Variants in COL9A1 observed in about 807,000 individuals in gnomAD.
The protein encoded by COL9A1 is collagen type IX alpha 1 chain.
In COL9A1, 104 loss-of-function variants were observed where a neutral mutation model predicts 142.6. The observed-to-expected ratio is 0.73, with a 90% confidence interval of 0.62 to 0.86. The LOEUF (loss-of-function observed/expected upper bound fraction) is 0.86, where lower values mean the gene tolerates loss of function less well. Ranked by LOEUF, COL9A1 falls within the 40% of genes least tolerant of loss-of-function variation. The pLI, the probability that COL9A1 is intolerant of heterozygous loss-of-function variation, is 0.00. For synonymous variants in COL9A1, 466 were observed against 396.0 expected (o/e 1.18, Z -2.10); for missense variants, 1,210 against 1,176.6 (o/e 1.03, Z -0.42).
At chr6:70,253,928 T>C (rs1771108244) in intron 25 of COL9A1, among the ~76,000 whole-genome samples, 1 of 152,232 alleles carries the variant, frequency 6.6e-6, no homozygotes, top group Non-Finnish European at 1.5e-5. Flanking sequence ...ATTTAAAAGA[T>C]TGGGGGCCAG....
intron 6 of COL9A1, chr6:70,283,222 A>T: frequency 6.9e-7 from 1 of 1,459,596 alleles, no homozygotes; most frequent in Admixed American, 2.5e-5. Context: ...CCCCCTGTTT[A>T]TGAATGGCCC....
At chr6:70,241,882 G>T in intron 30 of COL9A1, 82 bp downstream of exon 30, 1 of 1,252,378 alleles carries the variant, frequency 8.0e-7, no homozygotes, top group Non-Finnish European at 1.1e-6. Context: ...TTCTCCACAG[G>T]GCCAAAAGCA....
At position 70,300,113 on chromosome 6, in the gene COL9A1, C is replaced by T. The variant is rs777861328; in HGVS notation, c.229G>A (p.Val77Ile). ...KAASRRAIQRVVGSATLQVAY... is the reference protein window; with the variant it reads ...KAASRRAIQRIVGSATLQVAY... ...ACCTGCAATGTAGCTGATCCCACTACTCTCTGGATAGCTCTTCTAGATGCT... is the reference window on the plus strand; with the variant it reads ...ACCTGCAATGTAGCTGATCCCACTATTCTCTGGATAGCTCTTCTAGATGCT... The change falls in exon 4 of 38, where the codon GTA (valine) becomes ATA (isoleucine). Residue 77 changes from valine (V) to isoleucine (I), a missense_variant. Physicochemically the swap from Val to Ile is conservative, Grantham distance 29. Coordinates refer to ENST00000357250, the MANE Select transcript of COL9A1 (RefSeq NM_001851.6). 1 of 1,613,772 alleles carries T rather than the reference C, an allele frequency of 6.2e-7. No homozygotes were observed. Among genetic ancestry groups the T allele is most frequent in the South Asian group, 1.1e-5 (1 of 91,068 alleles).
At position 70,289,042 on chromosome 6, in the gene COL9A1, A is replaced by G. The variant is rs113479534; in HGVS notation, c.696+5125T>C. Among the ~76,000 whole-genome samples, 90 of 152,250 alleles carry G rather than the reference A, an allele frequency of 5.9e-4. 1 individual carries two copies. Among genetic ancestry groups the G allele is most frequent in the African/African-American group, 2.1e-3 (86 of 41,552 alleles). Reference sequence around the variant, plus strand: ...AAGAAATATAGTGAAGAAAGAACTGATAGTATTTGCCTTTCTGGTTTGATC... The same window carrying G: ...AAGAAATATAGTGAAGAAAGAACTGGTAGTATTTGCCTTTCTGGTTTGATC... On this transcript the variant is annotated intron_variant, in intron 5 of 37. Transcript: ENST00000357250.
At chr6:70,301,707 C>T (rs1476305267) in intron 2 of COL9A1, among the ~76,000 whole-genome samples, 1 of 152,152 alleles carries the variant, frequency 6.6e-6, no homozygotes, top group Non-Finnish European at 1.5e-5. Context: ...TTCATTCATC[C>T]ATGTATTCAC....
chr6:70,292,844 T>C (rs1019044466), intron 5 of COL9A1, among the ~76,000 whole-genome samples: 17 of 152,270 alleles, frequency 1.1e-4, no homozygotes, highest in African/African-American at 3.8e-4. Flanking sequence ...AATTTCAAGA[T>C]GGCATAACAG....
Position 70,260,672 on chromosome 6 carries a change from C to G in COL9A1, c.1434G>C (p.Gly478=). 1.2e-6 allele frequency: 2 copies of G among 1,613,716 alleles called. No individual in the cohort carries two copies. The highest frequency in any genetic ancestry group is 1.7e-6 in the Non-Finnish European group (2 of 1,179,874). ...ACCATCTTACTTTTTCCCCTTTGTC[C>G]CCAACTATGCCGGTGATGCCTCGCA... ...QGLRGITGIV[G]DKGEKGARGL... is the part of the protein sequence containing the mutation. Residue 478 remains glycine (G), a synonymous_variant, in exon 20 of 38, where the codon GGG becomes GGC. Transcript: ENST00000357250.
At chr6:70,240,333 T>C (rs530773555) in intron 32 of COL9A1, among the ~76,000 whole-genome samples, 3 of 152,302 alleles carry the variant, frequency 2.0e-5, no homozygotes, top group African/African-American at 7.2e-5. Flanking sequence ...CTATTATTCA[T>C]AGACTTTCTA....
chr6:70,254,484 C>G lies in COL9A1; in HGVS notation c.1711G>C (p.Gly571Arg). 6.2e-7 allele frequency: 1 copy of G among 1,614,030 alleles called. No individual in the cohort carries two copies. Among genetic ancestry groups the G allele is most frequent in the Non-Finnish European group, 8.5e-7 (1 of 1,179,960 alleles). Reference sequence around the variant, plus strand: ...AAGAATCAAATACTTACTGGTAACCCCTGCAATCCTGCATCACCAGGAGGC... The same window carrying G: ...AAGAATCAAATACTTACTGGTAACCGCTGCAATCCTGCATCACCAGGAGGC... ...PGPPGDAGLQ[G>R]LPGVPGIPGA... The change falls in exon 25 of 38, where the codon GGG becomes CGG. Residue 571 changes from glycine to arginine, a missense_variant. Physicochemically the swap from Gly to Arg is moderately radical, Grantham distance 125. Coordinates refer to ENST00000357250, the MANE Select transcript of COL9A1 (RefSeq NM_001851.6).
At chr6:70,243,594 C>G (rs2127567554) in intron 28 of COL9A1, among the ~76,000 whole-genome samples, 1 of 152,084 alleles carries the variant, frequency 6.6e-6, no homozygotes, top group East Asian at 1.9e-4. Context: ...GTGGTGCGAT[C>G]TCAGCTCACT....
At chr6:70,259,981 G>A (rs1240534002) in intron 20 of COL9A1, among the ~76,000 whole-genome samples, 1 of 151,986 alleles carries the variant, frequency 6.6e-6, no homozygotes, top group African/African-American at 2.4e-5. Context: ...GGGATGTCCT[G>A]CCTTGGCTTA....
rs371714020 is a variant in COL9A1, at chr6:70,300,278, T to C, written c.166+31A>G. The C allele has an allele frequency of 1.7e-5, 27 of 1,606,672 alleles. No homozygotes were observed. In the African/African-American group the frequency reaches 3.3e-4, roughly 20 times the overall value. ...AAAAAAATCAGGTTTATAGAAAGCA[T>C]GCATTTTCAATAGGGTACATTGCTA... On this transcript the variant is annotated intron_variant, in intron 3 of 37. Transcript: ENST00000357250.
chr6:70,218,925 G>T (rs567891451), intron 37 of COL9A1, among the ~76,000 whole-genome samples: 1 of 152,136 alleles, frequency 6.6e-6, no homozygotes, highest in African/African-American at 2.4e-5. Context: ...GATAAGCAGA[G>T]ATATAAGTAA....
At chr6:70,289,211 A>C (rs976513947) in intron 5 of COL9A1, among the ~76,000 whole-genome samples, 2 of 152,144 alleles carry the variant, frequency 1.3e-5, no homozygotes, top group Non-Finnish European at 2.9e-5. Context: ...GAAACTAACC[A>C]AGCAGAGATT....
chr6:70,288,417 C>G (rs770320401), intron 5 of COL9A1, among the ~76,000 whole-genome samples: 2 of 152,176 alleles, frequency 1.3e-5, no homozygotes, highest in Non-Finnish European at 2.9e-5. Context: ...ATGTCCTTCT[C>G]TCCCTTCTCC....
intron 5 of COL9A1, among the ~76,000 whole-genome samples, chr6:70,284,499 TA>T (rs1333945115): frequency 6.6e-6 from 1 of 152,226 alleles, no homozygotes; most frequent in Non-Finnish European, 1.5e-5. Context: ...TGAAAAGATG[TA>T]ACTTTCTAGA....
intron 25 of COL9A1, 70 bp from the exon 26 acceptor site, chr6:70,253,499 G>T (rs1583265350): frequency 1.9e-6 from 2 of 1,061,948 alleles, no homozygotes; most frequent in East Asian, 2.4e-5. Flanking sequence ...CAAGCCCACT[G>T]CACACTGCAG....
At chr6:70,291,398 C>A (rs552909391) in intron 5 of COL9A1, among the ~76,000 whole-genome samples, 1 of 152,232 alleles carries the variant, frequency 6.6e-6, no homozygotes, top group African/African-American at 2.4e-5. Context: ...CCCTGGCCCC[C>A]ACTCTCATGC....
intron 5 of COL9A1, among the ~76,000 whole-genome samples, chr6:70,288,761 A>G (rs1390736837): frequency 6.6e-6 from 1 of 152,112 alleles, no homozygotes; most frequent in Non-Finnish European, 1.5e-5. Flanking sequence ...GTTTCTGCCA[A>G]AATATTTTCT....
Sources: allele counts gnomAD v4.1 joint callset (sites outside exome capture counted in the v4.1 genomes callset), GRCh38; gene constraint gnomAD v4.1.1; transcripts MANE v1.5; gene names NCBI Gene and HGNC (gene_info 2026-07-23, HGNC 2026-07-21).